CIMIP6: variants seen among roughly 807,000 people sequenced by gnomAD.
CIMIP6 encodes the protein ciliary microtubule inner protein 6.
At chr2:54,352,324 C>T in the CIMIP6 span, among the ~76,000 whole-genome samples, 1 of 152,132 alleles carries the variant, frequency 6.6e-6, no homozygotes, top group Non-Finnish European at 1.5e-5. Flanking sequence ...AAAGAAGCCA[C>T]TCTATAACCA....
the CIMIP6 span, among the ~76,000 whole-genome samples, chr2:54,377,451 A>G: frequency 6.6e-6 from 1 of 152,074 alleles, no homozygotes; most frequent in East Asian, 1.9e-4. Context: ...TAATTTATAT[A>G]GTTTATATAG....
At chr2:54,363,584 G>A in the CIMIP6 span, among the ~76,000 whole-genome samples, 1 of 152,008 alleles carries the variant, frequency 6.6e-6, no homozygotes, top group Non-Finnish European at 1.5e-5. Flanking sequence ...TTAGGCTTTT[G>A]TTTCCTTTAG....
At chr2:54,367,832 G>T in the CIMIP6 span, among the ~76,000 whole-genome samples, 2 of 152,028 alleles carry the variant, frequency 1.3e-5, no homozygotes, top group South Asian at 4.1e-4. Flanking sequence ...GAGAAAATAT[G>T]TTACTTTTTA....
At chr2:54,372,223 G>A in the CIMIP6 span, among the ~76,000 whole-genome samples, 4 of 152,284 alleles carry the variant, frequency 2.6e-5, no homozygotes, top group African/African-American at 4.8e-5. Context: ...AAGCCAGGTC[G>A]TCAGATTCCA....
At chr2:54,380,589 T>C in the CIMIP6 span, among the ~76,000 whole-genome samples, 1 of 152,182 alleles carries the variant, frequency 6.6e-6, no homozygotes, top group Non-Finnish European at 1.5e-5. Flanking sequence ...CTCAAAAAGC[T>C]CCTGGGAATT....
chr2:54,368,290 T>TTGA, the CIMIP6 span, among the ~76,000 whole-genome samples: 1 of 151,748 alleles, frequency 6.6e-6, no homozygotes, highest in Non-Finnish European at 1.5e-5. Context: ...TAAAATTTCT[T>TTGA]TGAAAGCCAT....
At chr2:54,381,825 G>T in the CIMIP6 span, 1 of 1,521,734 alleles carries the variant, frequency 6.6e-7, no homozygotes, top group Non-Finnish European at 8.8e-7. Context: ...TTTTCAGTGG[G>T]TGTTCTTGTC....
At chr2:54,360,717 C>A in the CIMIP6 span, 84 of 778,540 alleles carry the variant, frequency 1.1e-4, no homozygotes, top group African/African-American at 1.5e-3. Context: ...AAAATACAAC[C>A]AAATGTTATT....
the CIMIP6 span, among the ~76,000 whole-genome samples, chr2:54,380,228 C>G: frequency 6.6e-6 from 1 of 152,130 alleles, no homozygotes; most frequent in African/African-American, 2.4e-5. Context: ...ATGATACCTC[C>G]TTTGACGTTT....
At chr2:54,368,598 G>C in the CIMIP6 span, among the ~76,000 whole-genome samples, 1 of 152,222 alleles carries the variant, frequency 6.6e-6, no homozygotes, top group Non-Finnish European at 1.5e-5. Flanking sequence ...GGGGCATTGA[G>C]CCATGCCAGA....
At chr2:54,341,888 A>G in the CIMIP6 span, among the ~76,000 whole-genome samples, 1,491 of 152,332 alleles carry the variant, frequency 9.8e-3, 29 homozygotes, top group African/African-American at 0.034. Flanking sequence ...TGACAACAGT[A>G]AGATGTGACT....
At chr2:54,334,934 T>C in the CIMIP6 span, 1 of 1,596,772 alleles carries the variant, frequency 6.3e-7, no homozygotes, top group Non-Finnish European at 8.5e-7. Context: ...GAAGAGGACG[T>C]ATATATTATG....
chr2:54,380,855 C>T, the CIMIP6 span, among the ~76,000 whole-genome samples: 1 of 152,300 alleles, frequency 6.6e-6, no homozygotes, highest in Non-Finnish European at 1.5e-5. Flanking sequence ...AGTTGGTTTT[C>T]CTCTTTCCTC....
the CIMIP6 span, among the ~76,000 whole-genome samples, chr2:54,362,753 G>A: frequency 9.2e-5 from 14 of 152,054 alleles, no homozygotes; most frequent in Non-Finnish European, 2.1e-4. Flanking sequence ...TGCCATGTTG[G>A]CCAGGCTGTT....
chr2:54,373,602 T>C, the CIMIP6 span, among the ~76,000 whole-genome samples: 278 of 152,262 alleles, frequency 1.8e-3, no homozygotes, highest in African/African-American at 6.2e-3. Context: ...GAGAGTAATC[T>C]TCACCCTAGT....
At chr2:54,378,120 C>T in the CIMIP6 span, among the ~76,000 whole-genome samples, 1 of 152,292 alleles carries the variant, frequency 6.6e-6, no homozygotes, top group East Asian at 1.9e-4. Flanking sequence ...TTCCTTTTTA[C>T]CAGATTTGGG....
the CIMIP6 span, among the ~76,000 whole-genome samples, chr2:54,375,507 G>A: frequency 6.6e-6 from 1 of 152,172 alleles, no homozygotes; most frequent in Non-Finnish European, 1.5e-5. Context: ...GTACTTTAAT[G>A]TGAGAGAATA....
chr2:54,344,643 A>T, the CIMIP6 span, among the ~76,000 whole-genome samples: 1 of 152,152 alleles, frequency 6.6e-6, no homozygotes, highest in Non-Finnish European at 1.5e-5. Flanking sequence ...CCCAACATTA[A>T]GACTACTAGA....
At chr2:54,368,561 C>A in the CIMIP6 span, among the ~76,000 whole-genome samples, 1 of 152,144 alleles carries the variant, frequency 6.6e-6, no homozygotes, top group Non-Finnish European at 1.5e-5. Context: ...GAATGTCCTG[C>A]GTGAGAAGAG....
Sources: gnomAD v4.1 joint callset for allele counts (sites outside exome capture counted in the v4.1 genomes callset) on GRCh38, gnomAD v4.1.1 for gene constraint, MANE v1.5 for transcripts, NCBI Gene and HGNC (gene_info 2026-07-23, HGNC 2026-07-21) for gene names.